DENND4A: variants seen among roughly 807,000 people sequenced by gnomAD.
The protein encoded by DENND4A is C-myc promoter-binding protein.
DENND4A carries 70 observed loss-of-function variants against 199.3 expected under a neutral mutation model. The ratio of observed to expected loss-of-function variants is 0.35; its 90% CI spans 0.29 to 0.43. DENND4A has a LOEUF of 0.43. DENND4A is among the 20% of genes least tolerant of loss of function. The probability of loss-of-function intolerance (pLI) is 1.00; values close to 1 mark genes in which losing one functional copy is unlikely to be tolerated. For missense variants in DENND4A, 1,723 were observed against 2,255.8 expected (o/e 0.76, Z 4.78); for synonymous variants, 686 against 766.9 (o/e 0.89, Z 1.74).
At chr15:65,698,290 C>G (rs1472959271) in intron 20 of DENND4A, among the ~76,000 whole-genome samples, 1 of 151,508 alleles carries the variant, frequency 6.6e-6, no homozygotes, top group Admixed American at 6.6e-5. Flanking sequence ...AAAGGTCTAT[C>G]AATATAAAAA....
chr15:65,770,326 T>C (rs913315895), intron 1 of DENND4A, among the ~76,000 whole-genome samples: 8 of 152,288 alleles, frequency 5.3e-5, no homozygotes, highest in East Asian at 1.9e-4. Context: ...TTCATAAATT[T>C]TGGCAGCCCT....
intron 4 of DENND4A, among the ~76,000 whole-genome samples, chr15:65,745,622 GCTCT>G (rs2076367317): frequency 6.6e-6 from 1 of 151,964 alleles, no homozygotes; most frequent in Non-Finnish European, 1.5e-5. Context: ...ATAAAAATGG[GCTCT>G]CTATTGGAAA....
At chr15:65,678,704 T>C (rs74684232) in intron 23 of DENND4A, among the ~76,000 whole-genome samples, 10,434 of 152,290 alleles carry the variant, frequency 0.069, 360 homozygotes, top group African/African-American at 0.093. Flanking sequence ...TATCATTTTT[T>C]GTTTTGAGAC....
At chr15:65,746,530 G>C (rs2076402767) in intron 4 of DENND4A, among the ~76,000 whole-genome samples, 1 of 151,334 alleles carries the variant, frequency 6.6e-6, no homozygotes, top group African/African-American at 2.4e-5. Flanking sequence ...GGGATTACAG[G>C]TGTGCACTAC....
intron 1 of DENND4A, among the ~76,000 whole-genome samples, chr15:65,774,722 T>C (rs1211179939): frequency 2.6e-5 from 4 of 151,960 alleles, no homozygotes; most frequent in African/African-American, 9.7e-5. Flanking sequence ...AACATATATA[T>C]GCTATTTTCT....
At position 65,775,216 on chromosome 15, in the gene DENND4A, C is replaced by T. The variant is rs183584108; in HGVS notation, c.-101-13778G>A. ...TTTTAATTAGCTGGGCATGATTGCT[C>T]ATGCCTGTGGTCCCAGCTACTCAGG... On this transcript the variant is annotated intron_variant, in intron 1 of 32. Coordinates refer to ENST00000443035, the MANE Select transcript of DENND4A (RefSeq NM_001320835.1). Among the ~76,000 whole-genome samples the T allele has an allele frequency of 2.2e-4, 33 of 152,128 alleles. No homozygotes were observed. The East Asian group carries it at 3.5e-3, about 16-fold the overall frequency.
chr15:65,715,231 G>A (rs1439953435), intron 14 of DENND4A: 4 of 320,888 alleles, frequency 1.2e-5, no homozygotes, highest in African/African-American at 6.7e-5. Context: ...GACAGGGAGG[G>A]TTAGGACTTG....
intron 23 of DENND4A, among the ~76,000 whole-genome samples, chr15:65,682,965 T>C (rs2076632702): frequency 6.6e-6 from 1 of 152,156 alleles, no homozygotes; most frequent in South Asian, 2.1e-4. Context: ...TCAAAACTAT[T>C]ACAATAATAA....
intron 9 of DENND4A, 70 bp downstream of exon 9, chr15:65,731,572 A>G (rs1198782029): frequency 1.0e-5 from 12 of 1,177,852 alleles, no homozygotes; most frequent in Admixed American, 9.3e-5. Context: ...AATTTTAGCT[A>G]GGAAAAATAA....
At chr15:65,763,385 C>A (rs539966094) in intron 1 of DENND4A, among the ~76,000 whole-genome samples, 6 of 152,256 alleles carry the variant, frequency 3.9e-5, no homozygotes, top group Admixed American at 2.0e-4. Context: ...AGGGCATAAA[C>A]TGAGTCAAGA....
intron 24 of DENND4A, among the ~76,000 whole-genome samples, chr15:65,673,375 G>C (rs1255714206): frequency 6.6e-6 from 1 of 151,868 alleles, no homozygotes; most frequent in Non-Finnish European, 1.5e-5. Flanking sequence ...GGAAGCTGAG[G>C]TGGGATGATC....
intron 13 of DENND4A, 91 bp downstream of exon 13, chr15:65,717,687 A>C: frequency 8.5e-7 from 1 of 1,172,906 alleles, no homozygotes; most frequent in South Asian, 1.6e-5. Flanking sequence ...ATGTATTCTC[A>C]TAAATATGAG....
At chr15:65,773,536 G>A (rs187411240) in intron 1 of DENND4A, among the ~76,000 whole-genome samples, 1 of 152,230 alleles carries the variant, frequency 6.6e-6, no homozygotes, top group African/African-American at 2.4e-5. Context: ...GTAGGTGATA[G>A]AGGAGAGATG....
chr15:65,751,847 T>A (rs1036770737), intron 4 of DENND4A, among the ~76,000 whole-genome samples: 1 of 152,084 alleles, frequency 6.6e-6, no homozygotes, highest in Admixed American at 6.6e-5. Context: ...AAGTGAGGAA[T>A]GGGACAGAAT....
intron 23 of DENND4A, among the ~76,000 whole-genome samples, chr15:65,686,834 G>A (rs1165557485): frequency 1.3e-5 from 2 of 151,550 alleles, no homozygotes; most frequent in South Asian, 4.2e-4. Context: ...GGACTACATA[G>A]GTATGTGCCA....
At chr15:65,720,142 T>A (rs2075566294) in intron 12 of DENND4A, among the ~76,000 whole-genome samples, 1 of 152,166 alleles carries the variant, frequency 6.6e-6, no homozygotes, top group South Asian at 2.1e-4. Flanking sequence ...GGTCTGAGGA[T>A]TAGGACAGCA....
At chr15:65,666,807 T>G (rs1252596483) in intron 29 of DENND4A, among the ~76,000 whole-genome samples, 1 of 151,046 alleles carries the variant, frequency 6.6e-6, no homozygotes, top group Non-Finnish European at 1.5e-5. Flanking sequence ...AAATTAGGCT[T>G]GTTTTGAAAG....
At position 65,676,525 on chromosome 15, in the gene DENND4A, G is replaced by C. The variant is rs756466201; in HGVS notation, c.4289C>G (p.Ser1430Cys). The change falls in exon 24 of 33, where the codon TCT (serine) becomes TGT (cysteine). Residue 1430 changes from serine to cysteine, a missense_variant. Physicochemically the swap from Ser to Cys is moderately radical, Grantham distance 112. Coordinates refer to ENST00000443035, the MANE Select transcript of DENND4A (RefSeq NM_001320835.1). ...CCCTGAAGTAGCACTGGTCTCTTGA[G>C]AGGAGATAGGTCCTTCCAACTCATG... ...VCHELEGPIS[S>C]QETSATSGTK... The C allele has an allele frequency of 4.3e-6, 7 of 1,613,764 alleles. No individual in the cohort carries two copies. The highest frequency in any genetic ancestry group is 1.1e-5 in the South Asian group (1 of 91,046).
intron 1 of DENND4A, among the ~76,000 whole-genome samples, chr15:65,789,517 A>G (rs2141027806): frequency 6.6e-6 from 1 of 152,234 alleles, no homozygotes; most frequent in South Asian, 2.1e-4. Context: ...ATTAAAAAAA[A>G]AAAAAAGGAA....
Sources: gnomAD v4.1 joint callset for allele counts (sites outside exome capture counted in the v4.1 genomes callset) on GRCh38, gnomAD v4.1.1 for gene constraint, MANE v1.5 for transcripts, NCBI Gene and HGNC (gene_info 2026-07-23, HGNC 2026-07-21) for gene names.